The following EYA4 variants were observed in gnomAD, a reference collection of about 807,000 sequenced individuals.
EYA4 encodes the protein protein phosphatase EYA4.
Under a neutral mutation model 87.9 loss-of-function variants are expected in EYA4, and 31 were observed. The observed-to-expected ratio is 0.35, with a 90% CI of 0.27 to 0.48. The LOEUF (loss-of-function observed/expected upper bound fraction) is 0.48, where lower values mean the gene tolerates loss of function less well. Ranked by LOEUF, EYA4 falls within the 20% of genes least tolerant of loss-of-function variation. The pLI is 0.99. For missense variants in EYA4, 678 were observed against 761.4 expected, an observed-to-expected ratio of 0.89 and a Z score of 1.29; for synonymous variants, 263 against 270.6, an observed-to-expected ratio of 0.97 and a Z score of 0.28.
chr6:133,460,057 A>T (rs1232488148), intron 6 of EYA4, among the ~76,000 whole-genome samples: 1 of 152,156 alleles, frequency 6.6e-6, no homozygotes, highest in Non-Finnish European at 1.5e-5. Context: ...TTCATAAAAT[A>T]GTTAGCAACC....
intron 11 of EYA4, among the ~76,000 whole-genome samples, chr6:133,474,587 T>A (rs954589094): frequency 1.3e-5 from 2 of 152,118 alleles, no homozygotes; most frequent in Admixed American, 6.6e-5. Context: ...TTAATTCTAC[T>A]TATAACTATA....
intron 4 of EYA4, 105 bp from the exon 5 acceptor site, chr6:133,448,006 A>G (rs571309997): frequency 1.7e-5 from 14 of 817,604 alleles, no homozygotes; most frequent in African/African-American, 8.4e-5. Flanking sequence ...CAGTGCAGTT[A>G]TAATTTTGGC....
chr6:133,300,602 C>A (rs1367019970), intron 2 of EYA4, among the ~76,000 whole-genome samples: 3 of 152,042 alleles, frequency 2.0e-5, no homozygotes. Flanking sequence ...GCAACCTCTG[C>A]CTCCTGGGTT....
chr6:133,274,682 AT>A (rs956727258), intron 1 of EYA4, 33 bp from the exon 2 acceptor site: 2 of 990,164 alleles, frequency 2.0e-6, no homozygotes, highest in African/African-American at 1.6e-5. Context: ...TAAAGATAAC[AT>A]TTTTCCCCTT....
At chr6:133,373,710 A>G (rs560497265) in intron 2 of EYA4, among the ~76,000 whole-genome samples, 2 of 152,242 alleles carry the variant, frequency 1.3e-5, no homozygotes, top group South Asian at 4.1e-4. Flanking sequence ...AAACATATAA[A>G]CAAAAGGTAT....
At chr6:133,420,638 A>G (rs953705878) in intron 3 of EYA4, among the ~76,000 whole-genome samples, 14 of 152,358 alleles carry the variant, frequency 9.2e-5, no homozygotes, top group African/African-American at 2.2e-4. Context: ...TTATAACAAC[A>G]TCCAAAGCAG....
chr6:133,525,715 G>A (rs1443353201), intron 19 of EYA4, among the ~76,000 whole-genome samples: 1 of 152,158 alleles, frequency 6.6e-6, no homozygotes, highest in Non-Finnish European at 1.5e-5. Context: ...AAAGTCATGT[G>A]AGTAGTTCAT....
chr6:133,514,497 C>A (rs1468660381), intron 16 of EYA4, among the ~76,000 whole-genome samples: 1 of 152,182 alleles, frequency 6.6e-6, no homozygotes, highest in African/African-American at 2.4e-5. Flanking sequence ...ACGTGAGCAT[C>A]TCTCTATTAT....
At chr6:133,423,959 G>A (rs948608066) in intron 3 of EYA4, among the ~76,000 whole-genome samples, 11 of 152,166 alleles carry the variant, frequency 7.2e-5, no homozygotes, top group African/African-American at 2.4e-4. Flanking sequence ...TTTATTTAGT[G>A]TCACAACAGC....
intron 3 of EYA4, among the ~76,000 whole-genome samples, chr6:133,436,978 A>G (rs892157385): frequency 2.0e-5 from 3 of 152,210 alleles, no homozygotes; most frequent in African/African-American, 7.2e-5. Flanking sequence ...AATTATTAGA[A>G]AGAAATTCCA....
chr6:133,507,201 G>T (rs902337786), intron 14 of EYA4: 1 of 152,106 alleles, frequency 6.6e-6, no homozygotes, highest in African/African-American at 2.4e-5. Context: ...ATGCAAGGGA[G>T]AAACTGTATG....
intron 2 of EYA4, among the ~76,000 whole-genome samples, chr6:133,299,714 A>AAAAATAAAATAAAATAAAATAAAAT (rs201014987): frequency 5.8e-5 from 8 of 137,596 alleles, no homozygotes; most frequent in African/African-American, 2.3e-4. Flanking sequence ...TCTGTCTCAA[A>AAAAATAAAATAAAATAAAATAAAAT]AAAATAAAAT....
chr6:133,525,590 T>C (rs1800571917), intron 19 of EYA4, among the ~76,000 whole-genome samples: 1 of 152,118 alleles, frequency 6.6e-6, no homozygotes, highest in Non-Finnish European at 1.5e-5. Context: ...TTAATACACA[T>C]ACAATGTGCA....
intron 2 of EYA4, among the ~76,000 whole-genome samples, chr6:133,380,178 G>T (rs1786061851): frequency 6.6e-6 from 1 of 151,986 alleles, no homozygotes; most frequent in Non-Finnish European, 1.5e-5. Flanking sequence ...TCTCTCATTT[G>T]ACCAAGAACA....
At chr6:133,481,142 T>C (rs1333449685) in intron 11 of EYA4, among the ~76,000 whole-genome samples, 1 of 152,126 alleles carries the variant, frequency 6.6e-6, no homozygotes, top group African/African-American at 2.4e-5. Flanking sequence ...GACATCTCAT[T>C]CTCTGAACTG....
intron 2 of EYA4, among the ~76,000 whole-genome samples, chr6:133,276,745 G>T (rs1423976915): frequency 2.6e-5 from 4 of 152,082 alleles, no homozygotes; most frequent in African/African-American, 4.8e-5. Flanking sequence ...GAGATGCTTA[G>T]AACTGTTAAA....
At chr6:133,429,054 G>T (rs1790949599) in intron 3 of EYA4, among the ~76,000 whole-genome samples, 1 of 148,918 alleles carries the variant, frequency 6.7e-6, no homozygotes, top group Non-Finnish European at 1.5e-5. Context: ...AGCCTCCCGA[G>T]TAGCTGGGAT....
At chr6:133,309,861 G>A (rs1307314441) in intron 2 of EYA4, among the ~76,000 whole-genome samples, 1 of 152,184 alleles carries the variant, frequency 6.6e-6, no homozygotes, top group Non-Finnish European at 1.5e-5. Context: ...TTATGAAACA[G>A]TATTCTGTCC....
At chr6:133,387,878 G>A in intron 3 of EYA4, among the ~76,000 whole-genome samples, 1 of 152,102 alleles carries the variant, frequency 6.6e-6, no homozygotes, top group East Asian at 1.9e-4. Flanking sequence ...GCATTTACTG[G>A]AGATTTTCAG....
Sources: gnomAD v4.1 joint callset for allele counts (sites outside exome capture counted in the v4.1 genomes callset) on GRCh38, gnomAD v4.1.1 for gene constraint, MANE v1.5 for transcripts, NCBI Gene and HGNC (gene_info 2026-07-23, HGNC 2026-07-21) for gene names.